GLB1: variants seen among roughly 807,000 people sequenced by gnomAD.
GLB1 encodes galactosidase beta 1.
A neutral mutation model predicts 74.0 loss-of-function variants in GLB1; 56 were observed. The observed-to-expected ratio is 0.76, with a 90% CI of 0.61 to 0.94. The LOEUF is 0.94. Among genes scored for constraint, GLB1 ranks in the 40% least tolerant of loss-of-function variants. GLB1 has a pLI of 0.00. For missense variants in GLB1, 787 were observed against 845.5 expected (o/e 0.93, Z 0.86); for synonymous variants, 323 against 323.6 (o/e 1.00, Z 0.02).
At chr3:33,033,431 T>C (rs1269641369) in intron 10 of GLB1, among the ~76,000 whole-genome samples, 1 of 152,204 alleles carries the variant, frequency 6.6e-6, no homozygotes, top group Non-Finnish European at 1.5e-5. Flanking sequence ...CTATTCTCTC[T>C]AGAGGAAAAG....
Position 32,997,188 on chromosome 3 carries a change from G to A in GLB1, c.1891C>T (p.Pro631Ser). ...ACGAACGTCACAGCACATAGTTCTG[G>A]ATCATCACTGCTGCAGGGTGCCCAC... ...LEWAPCSSDD[P>S]ELCAVTFVDR... Residue 631 changes from proline to serine, a missense_variant, in exon 16 of 16, where the codon CCA becomes TCA. By Grantham distance (74) the Pro-to-Ser change is moderately conservative. Transcript: ENST00000307363. 6.2e-7 allele frequency: 1 copy of A among 1,614,188 alleles called. No homozygotes were observed. Among genetic ancestry groups the A allele is most frequent in the Non-Finnish European group, 8.5e-7 (1 of 1,180,044 alleles).
At chr3:33,023,044 A>G (rs996146927) in intron 11 of GLB1, among the ~76,000 whole-genome samples, 1 of 152,226 alleles carries the variant, frequency 6.6e-6, no homozygotes, top group Non-Finnish European at 1.5e-5. Context: ...CATAAACTTA[A>G]TTCAGTTATA....
At chr3:33,096,878 G>C in intron 1 of GLB1, 133 bp downstream of exon 1, 2 of 1,436,398 alleles carry the variant, frequency 1.4e-6, no homozygotes, top group Non-Finnish European at 9.1e-7. Flanking sequence ...CGCCGGCCGC[G>C]AGCCTGCTGG....
At chr3:33,089,777 A>T in intron 1 of GLB1, among the ~76,000 whole-genome samples, 1 of 152,248 alleles carries the variant, frequency 6.6e-6, no homozygotes, top group East Asian at 1.9e-4. Context: ...CTTGTTGCTC[A>T]ATGGGTATAT....
At chr3:33,090,714 A>C (rs940458818) in intron 1 of GLB1, 18 of 985,318 alleles carry the variant, frequency 1.8e-5, no homozygotes, top group Non-Finnish European at 8.4e-6. Context: ...GTGATGGAGA[A>C]ATTTCTGCTG....
intron 12 of GLB1, among the ~76,000 whole-genome samples, chr3:33,019,370 G>T (rs1351037738): frequency 1.3e-5 from 2 of 152,232 alleles, no homozygotes; most frequent in Non-Finnish European, 2.9e-5. Flanking sequence ...TATAGTTATT[G>T]ACTTTGCTTA....
the GLB1 span, among the ~76,000 whole-genome samples, chr3:32,974,593 A>G: frequency 6.6e-6 from 1 of 152,332 alleles, no homozygotes; most frequent in East Asian, 1.9e-4. Flanking sequence ...CTGGAGATCC[A>G]GGAGAGCTGA....
chr3:32,962,239 T>G, the GLB1 span, among the ~76,000 whole-genome samples: 1 of 150,880 alleles, frequency 6.6e-6, no homozygotes, highest in Admixed American at 6.6e-5. Context: ...AAGGGGAGCC[T>G]AAGGAGACAA....
intron 1 of GLB1, chr3:33,091,069 T>C (rs1488585983): frequency 8.1e-6 from 8 of 985,058 alleles, no homozygotes; most frequent in Non-Finnish European, 9.6e-6. Flanking sequence ...GGAAGTGAAA[T>C]GGCACCATCT....
At chr3:33,094,010 GT>G in intron 1 of GLB1, 1 of 1,614,232 alleles carries the variant, frequency 6.2e-7, no homozygotes, top group Non-Finnish European at 8.5e-7. Context: ...TGCGCCAAAT[GT>G]AGAGGGAGCC....
At chr3:33,053,419 TG>T in intron 7 of GLB1, 71 bp downstream of exon 7, 2 of 1,609,984 alleles carry the variant, frequency 1.2e-6, no homozygotes, top group Non-Finnish European at 1.7e-6. Context: ...AAGGGCCTAC[TG>T]CCCAGTTTCA....
intron 14 of GLB1, among the ~76,000 whole-genome samples, chr3:33,015,027 G>A (rs12054117): frequency 0.069 from 10,510 of 152,174 alleles, 528 homozygotes; most frequent in East Asian, 0.24. Context: ...GTGGGGGCAT[G>A]CACGTATAGT....
intron 11 of GLB1, among the ~76,000 whole-genome samples, chr3:33,023,994 C>T (rs1218422192): frequency 6.6e-6 from 1 of 152,150 alleles, no homozygotes. Flanking sequence ...CCAAGATGAC[C>T]CAAATGATCC....
At chr3:32,994,758 T>TA (rs1696278466), downstream of GLB1, among the ~76,000 whole-genome samples, 1 of 151,858 alleles carries the variant, frequency 6.6e-6, no homozygotes, top group Admixed American at 6.6e-5. Context: ...CCGTCTCTGC[T>TA]AAAAATACAA....
intron 10 of GLB1, among the ~76,000 whole-genome samples, chr3:33,031,192 A>C (rs1318679741): frequency 1.3e-5 from 2 of 152,164 alleles, no homozygotes; most frequent in Admixed American, 6.5e-5. Context: ...ATTACAGAGG[A>C]GACATATTCC....
intron 1 of GLB1, among the ~76,000 whole-genome samples, chr3:33,074,071 G>A (rs908248802): frequency 6.6e-6 from 1 of 150,940 alleles, no homozygotes; most frequent in Non-Finnish European, 1.5e-5. Flanking sequence ...TGGGTGCGGT[G>A]GCTCACGCCT....
At chr3:33,069,665 C>T (rs906821826) in intron 2 of GLB1, among the ~76,000 whole-genome samples, 3 of 152,226 alleles carry the variant, frequency 2.0e-5, no homozygotes, top group Admixed American at 6.5e-5. Flanking sequence ...TCATTCATTG[C>T]CCTTTATGAT....
At chr3:33,027,709 G>C (rs1195410434) in intron 10 of GLB1, among the ~76,000 whole-genome samples, 1 of 152,164 alleles carries the variant, frequency 6.6e-6, no homozygotes, top group Non-Finnish European at 1.5e-5. Context: ...TTGAACCTGA[G>C]AGGCGGAGGT....
intron 10 of GLB1, among the ~76,000 whole-genome samples, chr3:33,042,370 C>CTGTTTTT (rs1412186310): frequency 4.0e-5 from 4 of 99,240 alleles, no homozygotes; most frequent in Non-Finnish European, 7.9e-5. Context: ...TCATCTCCTC[C>CTGTTTTT]TTTTTTTTTT....
Sources: allele counts gnomAD v4.1 joint callset (sites outside exome capture counted in the v4.1 genomes callset), GRCh38; gene constraint gnomAD v4.1.1; transcripts MANE v1.5; gene names NCBI Gene and HGNC (gene_info 2026-07-23, HGNC 2026-07-21).